The following BASP1 variants were observed in gnomAD, a reference collection of about 807,000 sequenced individuals.
BASP1 encodes brain acid soluble protein 1.
In BASP1, 1 loss-of-function variant was observed where a neutral mutation model predicts 2.2. The observed-to-expected ratio is 0.46, with a 90% CI of 0.16 to 2.17. BASP1 has a LOEUF of 2.17. BASP1 is among the 30% of genes most tolerant of loss of function. The pLI, the probability that BASP1 is intolerant of heterozygous loss-of-function variation, is 0.27. For synonymous variants in BASP1, 187 were observed against 154.2 expected (o/e 1.21, Z -1.58); for missense variants, 352 against 327.2 (o/e 1.08, Z -0.58).
chr5:17,237,928 A>G (rs954637770), intron 1 of BASP1, among the ~76,000 whole-genome samples: 12 of 152,048 alleles, frequency 7.9e-5, no homozygotes, highest in African/African-American at 2.7e-4. Context: ...ATTGCTTTCT[A>G]AAGTAAGATT....
intron 1 of BASP1, among the ~76,000 whole-genome samples, chr5:17,252,629 A>G (rs971474748): frequency 6.6e-6 from 1 of 152,222 alleles, no homozygotes; most frequent in African/African-American, 2.4e-5. Flanking sequence ...CTTTGCTCTC[A>G]GGCAGAATAC....
In BASP1 at chr5:17,257,303, AAG is replaced by A. The variant is rs1213736324; in HGVS notation, c.-9-17902_-9-17901del. The stretch of plus-strand genomic sequence containing the variant: ...TATAACCTAGAATTTAAATATTAAA[AAG>A]AGTGATTAAAAAACAAAACAAAAAG... On this transcript the variant is annotated intron_variant, in intron 1 of 1. Transcript: ENST00000322611. 3.3e-4 allele frequency among the ~76,000 whole-genome samples: 40 copies of A among 120,402 alleles called. No homozygotes were observed. In the East Asian group the frequency reaches 6.0e-3, roughly 18 times the overall value. 79.0% of individuals were successfully genotyped at this position (120,402 alleles called of 152,430 possible). A position where few individuals can be genotyped will look rare whatever the true frequency, so the allele number is the denominator to read the frequency against.
intron 1 of BASP1, among the ~76,000 whole-genome samples, chr5:17,229,772 T>C (rs1229613077): frequency 6.9e-6 from 1 of 144,262 alleles, no homozygotes; most frequent in Non-Finnish European, 1.5e-5. Flanking sequence ...ATCAACATGT[T>C]GGTAGGATTG....
At position 17,275,456 on chromosome 5, in the gene BASP1, G is replaced by C. The variant is rs372354708; in HGVS notation, c.240G>C (p.Glu80Asp). The C allele has an allele frequency of 3.2e-4, 479 of 1,513,308 alleles. 1 individual carries two copies. The highest frequency in any genetic ancestry group is 3.9e-4 in the Non-Finnish European group (446 of 1,132,542). The allele number at this position is 1,513,308 out of a possible 1,614,324, so 93.7% of individuals were successfully genotyped here. Reference sequence around the variant, plus strand: ...AGAAGGACGCGGCGGCTGCCAAGGAGGAGGCCCCGAAGGCGGAGCCCGAGA... The same window carrying C: ...AGAAGGACGCGGCGGCTGCCAAGGACGAGGCCCCGAAGGCGGAGCCCGAGA... ...EGEKDAAAAKEEAPKAEPEKT... is the reference protein window; with the variant it reads ...EGEKDAAAAKDEAPKAEPEKT... The change falls in exon 2 of 2, where the codon GAG becomes GAC. Residue 80 changes from glutamate to aspartate, a missense_variant. By Grantham distance (45) the Glu-to-Asp change is conservative. Transcript: ENST00000322611. The surrounding 1 kb of genome is among the most constrained non-coding windows in gnomAD (Gnocchi z 5.3).
chr5:17,273,881 G>T (rs1206404292), intron 1 of BASP1, among the ~76,000 whole-genome samples: 1 of 152,016 alleles, frequency 6.6e-6, no homozygotes, highest in Non-Finnish European at 1.5e-5. Context: ...TTTCTGCCAC[G>T]CTTCATCCAG....
intron 1 of BASP1, among the ~76,000 whole-genome samples, chr5:17,242,633 G>T (rs1739890590): frequency 2.0e-5 from 3 of 152,010 alleles, no homozygotes; most frequent in Admixed American, 6.6e-5. Context: ...TCAAGTCAGG[G>T]CTTCTTATTT....
chr5:17,253,005 C>T (rs1330436462), intron 1 of BASP1, among the ~76,000 whole-genome samples: 1 of 152,132 alleles, frequency 6.6e-6, no homozygotes, highest in Admixed American at 6.5e-5. Flanking sequence ...GGCTGTGTTC[C>T]AATAAAACTT....
chr5:17,239,053 T>C (rs1025805957), intron 1 of BASP1, among the ~76,000 whole-genome samples: 2 of 152,254 alleles, frequency 1.3e-5, no homozygotes, highest in South Asian at 2.1e-4. Context: ...TTACTTGATA[T>C]CAATCAACAC....
intron 1 of BASP1, among the ~76,000 whole-genome samples, chr5:17,228,710 G>A (rs1455040956): frequency 6.6e-6 from 1 of 152,226 alleles, no homozygotes; most frequent in East Asian, 1.9e-4. Context: ...CCAGTTGGCA[G>A]ATTGGGACAC....
intron 1 of BASP1, among the ~76,000 whole-genome samples, chr5:17,247,101 C>T (rs1376153984): frequency 6.6e-6 from 1 of 152,178 alleles, no homozygotes; most frequent in Non-Finnish European, 1.5e-5. Flanking sequence ...GGGAGGATTG[C>T]TTGTGTCCAG....
chr5:17,219,737 A>G (rs1739360363), intron 1 of BASP1, among the ~76,000 whole-genome samples: 1 of 152,218 alleles, frequency 6.6e-6, no homozygotes, highest in Non-Finnish European at 1.5e-5. Context: ...CGGAGAGAAG[A>G]AAACGATTAC....
intron 1 of BASP1, among the ~76,000 whole-genome samples, chr5:17,238,389 G>A (rs888657827): frequency 4.0e-5 from 6 of 151,852 alleles, no homozygotes; most frequent in Admixed American, 6.6e-5. Flanking sequence ...AACACCTACT[G>A]ATGTTTATCT....
At chr5:17,247,164 G>A (rs767032503) in intron 1 of BASP1, among the ~76,000 whole-genome samples, 46 of 152,214 alleles carry the variant, frequency 3.0e-4, no homozygotes, top group Non-Finnish European at 6.2e-4. Context: ...CAGCCTGGGC[G>A]ACAGAGCCAG....
rs541210139 is a variant in BASP1 at position 17,224,699 on chromosome 5, T to C, written c.-10+6889T>C. 4.6e-5 allele frequency among the ~76,000 whole-genome samples: 7 copies of C among 152,328 alleles called. No individual in the cohort carries two copies. The East Asian group carries it at 1.4e-3, about 29-fold the overall frequency. ...AAGTCATTCCTTTCTAGTATGATGATTGTGGTTGCTCTTACTGAGGACTAT... is the reference window on the plus strand; with the variant it reads ...AAGTCATTCCTTTCTAGTATGATGACTGTGGTTGCTCTTACTGAGGACTAT... On this transcript the variant is annotated intron_variant, in intron 1 of 1. Coordinates refer to ENST00000322611, the MANE Select transcript of BASP1 (RefSeq NM_006317.5).
chr5:17,271,022 C>T (rs1455615866), intron 1 of BASP1, among the ~76,000 whole-genome samples: 1 of 152,154 alleles, frequency 6.6e-6, no homozygotes, highest in South Asian at 2.1e-4. Context: ...AAATTCCTCT[C>T]TCTACTACTG....
chr5:17,255,416 A>T lies in BASP1; in HGVS notation c.-9-19792A>T, dbSNP rs373493214. Among the ~76,000 whole-genome samples, 2 of 152,284 alleles carry T rather than the reference A, an allele frequency of 1.3e-5. 1 individual carries two copies. Among genetic ancestry groups the T allele is most frequent in the Admixed American group, 1.3e-4 (2 of 15,286 alleles). On this transcript the variant is annotated intron_variant, in intron 1 of 1. Transcript: ENST00000322611. ...CACTAGGTTTTTTTTTCCCATTAAA[A>T]CAGACTCATGAGTCATAGTTTACTA...
intron 1 of BASP1, among the ~76,000 whole-genome samples, chr5:17,231,379 C>T (rs1413559446): frequency 6.6e-6 from 1 of 152,132 alleles, no homozygotes; most frequent in African/African-American, 2.4e-5. Context: ...CTTCTATTCT[C>T]TCCTGGATCA....
chr5:17,242,804 TGAG>T (rs997282186), intron 1 of BASP1, among the ~76,000 whole-genome samples: 32 of 151,810 alleles, frequency 2.1e-4, no homozygotes, highest in Middle Eastern at 3.4e-3. Context: ...CTAATGTCCT[TGAG>T]GAGTCGAAGT....
intron 1 of BASP1, among the ~76,000 whole-genome samples, chr5:17,225,597 G>A (rs927092677): frequency 3.3e-5 from 5 of 152,178 alleles, no homozygotes; most frequent in Non-Finnish European, 7.3e-5. Flanking sequence ...GGAAGCTGGC[G>A]ATGGTGGGTA....
Sources: gnomAD v4.1 joint callset for allele counts (sites outside exome capture counted in the v4.1 genomes callset) on GRCh38, gnomAD v4.1.1 for gene constraint, Gnocchi (gnomAD v3.1) non-coding constraint, MANE v1.5 for transcripts, NCBI Gene and HGNC (gene_info 2026-07-23, HGNC 2026-07-21) for gene names.